Variants in SGCZ observed in about 807,000 individuals in gnomAD.
SGCZ encodes the protein sarcoglycan zeta.
A neutral mutation model predicts 41.3 loss-of-function variants in SGCZ; 40 were observed. That is an observed-to-expected ratio of 0.97 (90% CI 0.75 to 1.26). SGCZ has a LOEUF of 1.26. Among genes scored for constraint, SGCZ ranks in the 50% most tolerant of loss-of-function variants. The pLI is 0.00. For synonymous variants in SGCZ, 206 were observed against 137.5 expected, an observed-to-expected ratio of 1.50 and a Z score of -3.49; for missense variants, 552 against 369.8, an observed-to-expected ratio of 1.49 and a Z score of -4.04.
intron 1 of SGCZ, among the ~76,000 whole-genome samples, chr8:15,036,565 T>A (rs1803884758): frequency 6.6e-6 from 1 of 152,012 alleles, no homozygotes; most frequent in African/African-American, 2.4e-5. Flanking sequence ...AACTTAAAAG[T>A]TAAAGAATAA....
intron 6 of SGCZ, among the ~76,000 whole-genome samples, chr8:14,104,520 G>T (rs1277980450): frequency 6.6e-6 from 1 of 152,042 alleles, no homozygotes; most frequent in African/African-American, 2.4e-5. Context: ...GTTGCAAGAG[G>T]CAATTATTAA....
chr8:15,124,854 A>T (rs1235678741), intron 1 of SGCZ, among the ~76,000 whole-genome samples: 1 of 152,208 alleles, frequency 6.6e-6, no homozygotes, highest in Non-Finnish European at 1.5e-5. Flanking sequence ...GGGAGGAAGG[A>T]TATGTATTTA....
intron 4 of SGCZ, among the ~76,000 whole-genome samples, chr8:14,199,087 T>G (rs1337443332): frequency 6.6e-6 from 1 of 152,192 alleles, no homozygotes; most frequent in African/African-American, 2.4e-5. Flanking sequence ...AACCTTAAAC[T>G]CTGGCTGCCT....
chr8:14,846,205 G>C (rs1803095160), intron 1 of SGCZ, among the ~76,000 whole-genome samples: 1 of 152,206 alleles, frequency 6.6e-6, no homozygotes, highest in East Asian at 1.9e-4. Context: ...TTTATGGAAT[G>C]CTGTATCCAC....
intron 7 of SGCZ, among the ~76,000 whole-genome samples, chr8:14,099,713 G>A (rs1357931977): frequency 2.0e-5 from 3 of 151,852 alleles, no homozygotes; most frequent in East Asian, 1.9e-4. Context: ...CGACAAGAGC[G>A]AGACTCTGTC....
intron 2 of SGCZ, among the ~76,000 whole-genome samples, chr8:14,380,187 C>A (rs570842062): frequency 1.3e-5 from 2 of 152,284 alleles, no homozygotes; most frequent in South Asian, 4.1e-4. Context: ...AGTACTTTAA[C>A]ATTCACATGT....
intron 1 of SGCZ, among the ~76,000 whole-genome samples, chr8:15,141,014 T>G (rs11997288): frequency 0.011 from 1,694 of 152,356 alleles, 42 homozygotes; most frequent in African/African-American, 0.038. Context: ...GACATAAACT[T>G]TGTATATTAA....
intron 1 of SGCZ, among the ~76,000 whole-genome samples, chr8:15,033,095 T>C (rs1012976572): frequency 6.6e-6 from 1 of 152,020 alleles, no homozygotes; most frequent in Admixed American, 6.5e-5. Context: ...CCTCAAGCTC[T>C]AGTAGGCTCA....
intron 1 of SGCZ, among the ~76,000 whole-genome samples, chr8:14,626,340 G>T (rs1189682101): frequency 6.6e-6 from 1 of 151,818 alleles, no homozygotes; most frequent in Non-Finnish European, 1.5e-5. Flanking sequence ...TGTGTGTGTT[G>T]TTCCCCTCCC....
chr8:14,552,735 T>C (rs35473337), intron 2 of SGCZ, among the ~76,000 whole-genome samples: 22,991 of 152,014 alleles, frequency 0.15, 1,837 homozygotes, highest in South Asian at 0.21. Context: ...TTATCCAGCC[T>C]TGGTGTCAGC....
chr8:14,552,968 C>T (rs1212654589), intron 2 of SGCZ, among the ~76,000 whole-genome samples: 1 of 151,916 alleles, frequency 6.6e-6, no homozygotes, highest in Non-Finnish European at 1.5e-5. Flanking sequence ...AATCATATTA[C>T]TGAAATTTCA....
At chr8:14,334,257 C>T (rs919801485) in intron 2 of SGCZ, among the ~76,000 whole-genome samples, 1 of 151,966 alleles carries the variant, frequency 6.6e-6, no homozygotes, top group Admixed American at 6.6e-5. Context: ...TAATTTCCAC[C>T]CTAACTATGG....
intron 1 of SGCZ, among the ~76,000 whole-genome samples, chr8:15,029,317 C>T (rs570647365): frequency 6.6e-6 from 1 of 151,976 alleles, no homozygotes; most frequent in South Asian, 2.1e-4. Flanking sequence ...AAACCATATG[C>T]CTGTAGGTGC....
intron 1 of SGCZ, among the ~76,000 whole-genome samples, chr8:15,173,889 G>A (rs1257851188): frequency 6.6e-6 from 1 of 152,004 alleles, no homozygotes; most frequent in Non-Finnish European, 1.5e-5. Flanking sequence ...CACCACACCT[G>A]GCTAATTTTT....
Position 14,642,931 on chromosome 8 carries a change from T to C in SGCZ, c.40-88005A>G, listed in dbSNP as rs974241659. Among the ~76,000 whole-genome samples, 3 of 151,548 alleles carry C rather than the reference T, an allele frequency of 2.0e-5. 1 individual carries two copies. The highest frequency in any genetic ancestry group is 3.9e-4 in the East Asian group (2 of 5,156). On this transcript the variant is annotated intron_variant, in intron 1 of 7. Transcript: ENST00000382080. ...AAATGTAAGCTTAAAAGGGTAGAGA[T>C]TTCTGTTTCACACCTCGATATATTG... is the stretch of plus-strand genomic sequence containing the variant.
At chr8:14,875,687 G>C in intron 1 of SGCZ, among the ~76,000 whole-genome samples, 1 of 152,150 alleles carries the variant, frequency 6.6e-6, no homozygotes, top group East Asian at 1.9e-4. Flanking sequence ...AGACATTTAA[G>C]GTGTAAGTAA....
intron 1 of SGCZ, among the ~76,000 whole-genome samples, chr8:15,153,782 G>GTATAGCCTGCA (rs1799248534): frequency 1.3e-5 from 2 of 152,188 alleles, no homozygotes; most frequent in South Asian, 4.1e-4. Context: ...CATGCTTCCT[G>GTATAGCCTGCA]TATAGCCTGC....
At chr8:14,115,040 C>A (rs1000742353) in intron 5 of SGCZ, among the ~76,000 whole-genome samples, 4 of 151,848 alleles carry the variant, frequency 2.6e-5, no homozygotes, top group Non-Finnish European at 5.9e-5. Context: ...CTAATTCCTA[C>A]CTCCAAAAAA....
At chr8:15,079,279 T>C (rs778363807) in intron 1 of SGCZ, among the ~76,000 whole-genome samples, 2 of 152,240 alleles carry the variant, frequency 1.3e-5, no homozygotes, top group African/African-American at 2.4e-5. Context: ...GGAAATTATG[T>C]TCACTGATTT....
Sources: gnomAD v4.1 joint callset for allele counts (sites outside exome capture counted in the v4.1 genomes callset) on GRCh38, gnomAD v4.1.1 for gene constraint, MANE v1.5 for transcripts, NCBI Gene and HGNC (gene_info 2026-07-23, HGNC 2026-07-21) for gene names.